The following PARD3 variants were observed in gnomAD, a reference collection of about 807,000 sequenced individuals.
PARD3 encodes the protein partitioning defective 3 homolog.
In PARD3, 75 loss-of-function variants were observed where a neutral mutation model predicts 155.4. The ratio of observed to expected loss-of-function variants is 0.48; its 90% CI spans 0.40 to 0.58. The LOEUF (loss-of-function observed/expected upper bound fraction) is 0.58, where lower values mean the gene tolerates loss of function less well. Among genes scored for constraint, PARD3 ranks in the 20% least tolerant of loss-of-function variants. The probability of loss-of-function intolerance (pLI) is 0.00; values close to 1 mark genes in which losing one functional copy is unlikely to be tolerated. For synonymous variants in PARD3, 576 were observed against 610.5 expected (o/e 0.94, Z 0.83); for missense variants, 1,642 against 1,721.7 (o/e 0.95, Z 0.82).
intron 2 of PARD3, among the ~76,000 whole-genome samples, chr10:34,667,816 A>G (rs1230679068): frequency 6.6e-6 from 1 of 152,202 alleles, no homozygotes. Context: ...GAAACAAATA[A>G]TATTGTGATG....
chr10:34,429,735 A>G (rs75853311), intron 5 of PARD3, among the ~76,000 whole-genome samples: 8,123 of 152,114 alleles, frequency 0.053, 712 homozygotes, highest in African/African-American at 0.18. Flanking sequence ...ACAGATGCCC[A>G]TCAACATGCC....
intron 22 of PARD3, among the ~76,000 whole-genome samples, chr10:34,257,630 G>A (rs1954726276): frequency 6.6e-6 from 1 of 152,168 alleles, no homozygotes; most frequent in South Asian, 2.1e-4. Flanking sequence ...AGGATTATTT[G>A]CCTGCTAACG....
In PARD3 at chr10:34,269,910, A is replaced by G. The variant is rs1268782524; in HGVS notation, c.3177-11T>C. On this transcript the variant is annotated splice_polypyrimidine_tract_variant and intron_variant, in intron 21 of 24. Transcript: ENST00000374788. ...GTTTTGGCTTGAATCCTATGAAATC[A>G]GAACAAAGTTGAAATAAGAGAAACC... 6.2e-7 allele frequency: 1 copy of G among 1,611,440 alleles called. No individual in the cohort carries two copies. Among genetic ancestry groups the G allele is most frequent in the South Asian group, 1.1e-5 (1 of 90,814 alleles).
chr10:34,781,870 C>A (rs1840276597), intron 1 of PARD3, among the ~76,000 whole-genome samples: 1 of 152,140 alleles, frequency 6.6e-6, no homozygotes, highest in African/African-American at 2.4e-5. Context: ...ACTGAATGGC[C>A]CAAAAATCAC....
chr10:34,369,619 TCA>T (rs1041857911), intron 12 of PARD3, among the ~76,000 whole-genome samples: 1 of 152,154 alleles, frequency 6.6e-6, no homozygotes, highest in African/African-American at 2.4e-5. Flanking sequence ...CCTGTATAAA[TCA>T]CATATAGTTC....
At chr10:34,519,430 A>G (rs888639186) in intron 2 of PARD3, among the ~76,000 whole-genome samples, 3 of 152,142 alleles carry the variant, frequency 2.0e-5, no homozygotes, top group South Asian at 2.1e-4. Flanking sequence ...AAATGTTATA[A>G]TATTTTTAAA....
intron 3 of PARD3, among the ~76,000 whole-genome samples, chr10:34,472,618 C>T (rs1056565857): frequency 6.6e-6 from 1 of 152,154 alleles, no homozygotes; most frequent in South Asian, 2.1e-4. Context: ...CCTCTGTACA[C>T]CTCCATTTCT....
chr10:34,748,927 T>C (rs993999425), intron 1 of PARD3, among the ~76,000 whole-genome samples: 1 of 152,160 alleles, frequency 6.6e-6, no homozygotes, highest in Non-Finnish European at 1.5e-5. Flanking sequence ...ACACCCAGAG[T>C]GCCCCTGGGC....
At chr10:34,449,612 A>G (rs551663141) in intron 5 of PARD3, among the ~76,000 whole-genome samples, 13 of 146,726 alleles carry the variant, frequency 8.9e-5, no homozygotes, top group African/African-American at 2.8e-4. Context: ...AAAAAAGTGG[A>G]AAAAAAAAAG....
At chr10:34,619,327 G>C (rs1287903541) in intron 2 of PARD3, among the ~76,000 whole-genome samples, 1 of 152,048 alleles carries the variant, frequency 6.6e-6, no homozygotes, top group Non-Finnish European at 1.5e-5. Context: ...TGGGATTACA[G>C]ATGTGAGCCA....
intron 22 of PARD3, among the ~76,000 whole-genome samples, chr10:34,263,643 C>T (rs1229256835): frequency 6.6e-6 from 1 of 151,802 alleles, no homozygotes; most frequent in African/African-American, 2.4e-5. Context: ...AGAGTGAGAC[C>T]CTGTTTCAAA....
intron 22 of PARD3, among the ~76,000 whole-genome samples, chr10:34,133,269 T>C (rs1753586): frequency 0.49 from 74,794 of 151,926 alleles, 19,796 homozygotes; most frequent in Non-Finnish European, 0.6. Context: ...GACACTACCG[T>C]GGGGCTGGAA....
At chr10:34,346,513 C>T in intron 15 of PARD3, 20 of 1,321,940 alleles carry the variant, frequency 1.5e-5, no homozygotes, top group Non-Finnish European at 2.0e-5. Flanking sequence ...GACACATGCA[C>T]ACTCTCTCTC....
intron 2 of PARD3, among the ~76,000 whole-genome samples, chr10:34,603,901 G>A (rs1051293492): frequency 3.9e-5 from 6 of 152,140 alleles, no homozygotes; most frequent in African/African-American, 7.2e-5. Context: ...TGTCCGACAC[G>A]CAGCCAATCC....
At chr10:34,647,223 AAAC>A (rs1564457247) in intron 2 of PARD3, among the ~76,000 whole-genome samples, 2 of 152,186 alleles carry the variant, frequency 1.3e-5, no homozygotes, top group African/African-American at 2.4e-5. Context: ...TATTTATTAT[AAAC>A]AACAAGTCAT....
intron 3 of PARD3, among the ~76,000 whole-genome samples, chr10:34,480,498 T>TA (rs2079006489): frequency 6.6e-6 from 1 of 152,106 alleles, no homozygotes; most frequent in Admixed American, 6.5e-5. Context: ...CTCAGCCTCC[T>TA]AAAGCCTTGA....
intron 2 of PARD3, among the ~76,000 whole-genome samples, chr10:34,524,811 G>A (rs148388288): frequency 2.6e-5 from 4 of 152,304 alleles, no homozygotes; most frequent in Non-Finnish European, 5.9e-5. Flanking sequence ...CAAACTGGAG[G>A]AAGTGGCACG....
At chr10:34,718,353 G>A (rs957211275) in intron 1 of PARD3, among the ~76,000 whole-genome samples, 1 of 151,946 alleles carries the variant, frequency 6.6e-6, no homozygotes, top group Non-Finnish European at 1.5e-5. Context: ...GGACAAAGGT[G>A]AGGAGGTCAA....
intron 22 of PARD3, among the ~76,000 whole-genome samples, chr10:34,160,922 T>G (rs184057137): frequency 6.6e-6 from 1 of 152,192 alleles, no homozygotes; most frequent in African/African-American, 2.4e-5. Flanking sequence ...GAGGTTAAGT[T>G]TTAGGCCAGT....
Sources: gnomAD v4.1 joint callset for allele counts (sites outside exome capture counted in the v4.1 genomes callset) on GRCh38, gnomAD v4.1.1 for gene constraint, MANE v1.5 for transcripts, NCBI Gene and HGNC (gene_info 2026-07-23, HGNC 2026-07-21) for gene names.